Variants in INPP4B observed in about 807,000 individuals in gnomAD.
INPP4B encodes inositol polyphosphate 4-phosphatase type II.
In INPP4B, 55 loss-of-function variants were observed where a neutral mutation model predicts 122.5. The observed-to-expected ratio is 0.45, with a 90% CI of 0.36 to 0.56. INPP4B has a LOEUF of 0.56. INPP4B is among the 20% of genes least tolerant of loss of function. INPP4B has a pLI of 0.00. For missense variants in INPP4B, 1,000 were observed against 1,097.7 expected, an observed-to-expected ratio of 0.91 and a Z score of 1.26; for synonymous variants, 403 against 388.7, an observed-to-expected ratio of 1.04 and a Z score of -0.43.
At chr4:142,526,794 G>A (rs1367568926) in intron 2 of INPP4B, among the ~76,000 whole-genome samples, 1 of 151,956 alleles carries the variant, frequency 6.6e-6, no homozygotes, top group Non-Finnish European at 1.5e-5. Flanking sequence ...GCATACATGT[G>A]AAACAAAATC....
At chr4:142,317,992 G>T (rs149517393) in intron 7 of INPP4B, among the ~76,000 whole-genome samples, 3 of 152,114 alleles carry the variant, frequency 2.0e-5, no homozygotes, top group Admixed American at 2.0e-4. Flanking sequence ...ATGAGGGAAG[G>T]CATTGAATAG....
chr4:142,672,581 A>AT (rs1350555058), intron 2 of INPP4B, among the ~76,000 whole-genome samples: 1 of 152,026 alleles, frequency 6.6e-6, no homozygotes, highest in Non-Finnish European at 1.5e-5. Flanking sequence ...CTCTTTAAAT[A>AT]TGTTTCTTTA....
chr4:142,528,555 G>A (rs553208375), intron 2 of INPP4B, among the ~76,000 whole-genome samples: 4 of 152,184 alleles, frequency 2.6e-5, no homozygotes, highest in African/African-American at 9.6e-5. Flanking sequence ...GTCTTTTATA[G>A]TCTAATCATA....
In INPP4B at chr4:142,260,633, T is replaced by C. The variant is rs534021216; in HGVS notation, c.616-69A>G. On this transcript the variant is annotated intron_variant, in intron 10 of 25. Coordinates refer to ENST00000262992, the MANE Select transcript of INPP4B (RefSeq NM_001101669.3). ...CAAAATAAGGAATGATATTATTTTA[T>C]TTGCAAAACATAAGGCTATGTACAT... 17 of 1,071,682 alleles carry C rather than the reference T, an allele frequency of 1.6e-5. No individual in the cohort carries two copies. The Admixed American group carries it at 3.3e-4, about 21-fold the overall frequency. 66.4% of individuals were successfully genotyped at this position (1,071,682 alleles called of 1,614,324 possible).
intron 12 of INPP4B, among the ~76,000 whole-genome samples, chr4:142,219,798 T>C (rs191055383): frequency 5.9e-5 from 9 of 152,290 alleles, no homozygotes; most frequent in East Asian, 5.8e-4. Flanking sequence ...CCAGGCTCTA[T>C]TGAATATTCT....
At chr4:142,733,410 A>G (rs779702259) in intron 1 of INPP4B, among the ~76,000 whole-genome samples, 10 of 152,310 alleles carry the variant, frequency 6.6e-5, no homozygotes, top group Admixed American at 3.3e-4. Flanking sequence ...AATATATACA[A>G]TAAACTTTCA....
chr4:142,078,184 G>GA (rs3836669), intron 25 of INPP4B, among the ~76,000 whole-genome samples: 134,370 of 151,766 alleles, frequency 0.89, 61,114 homozygotes, highest in Non-Finnish European at 0.98. Flanking sequence ...TGGATAAGTA[G>GA]AAAAAAAGGA....
At chr4:142,165,353 C>G (rs949799183) in intron 16 of INPP4B, among the ~76,000 whole-genome samples, 1 of 151,722 alleles carries the variant, frequency 6.6e-6, no homozygotes, top group Admixed American at 6.6e-5. Flanking sequence ...TCGATCCTTA[C>G]ATTTCCACAG....
intron 3 of INPP4B, among the ~76,000 whole-genome samples, chr4:142,437,455 C>G (rs1030537718): frequency 6.6e-6 from 1 of 151,986 alleles, no homozygotes; most frequent in Non-Finnish European, 1.5e-5. Flanking sequence ...GACACATAAT[C>G]ACCATATTCT....
At chr4:142,130,112 T>C (rs555621886) in intron 18 of INPP4B, among the ~76,000 whole-genome samples, 206 of 152,306 alleles carry the variant, frequency 1.4e-3, no homozygotes, top group Middle Eastern at 3.4e-3. Context: ...GTGAGAAGAC[T>C]GTGTTCACTC....
intron 2 of INPP4B, among the ~76,000 whole-genome samples, chr4:142,544,466 C>T (rs1829322761): frequency 6.6e-6 from 1 of 151,992 alleles, no homozygotes; most frequent in Non-Finnish European, 1.5e-5. Context: ...AGTGCATTTC[C>T]CAAGTCACGG....
chr4:142,068,678 C>A (rs1022209501), intron 25 of INPP4B, among the ~76,000 whole-genome samples: 16 of 151,960 alleles, frequency 1.1e-4, no homozygotes, highest in African/African-American at 2.2e-4. Context: ...CAGGGGTTGC[C>A]ATCCTAGTCT....
chr4:142,641,546 T>G (rs970598637), intron 2 of INPP4B, among the ~76,000 whole-genome samples: 4 of 152,102 alleles, frequency 2.6e-5, no homozygotes, highest in African/African-American at 9.7e-5. Flanking sequence ...TGCGACAGTT[T>G]GCTGAGAATG....
chr4:142,794,058 T>C (rs1776902587), intron 1 of INPP4B, among the ~76,000 whole-genome samples: 1 of 152,044 alleles, frequency 6.6e-6, no homozygotes, highest in African/African-American at 2.4e-5. Flanking sequence ...TTGGTATCTA[T>C]CTACCTAAAT....
At chr4:142,250,073 A>G (rs1052802506) in intron 11 of INPP4B, among the ~76,000 whole-genome samples, 1 of 152,244 alleles carries the variant, frequency 6.6e-6, no homozygotes, top group Admixed American at 6.5e-5. Context: ...TTTATTACAT[A>G]CTGTGTCTTC....
intron 2 of INPP4B, among the ~76,000 whole-genome samples, chr4:142,656,452 A>G (rs963742362): frequency 6.6e-6 from 1 of 151,980 alleles, no homozygotes; most frequent in Admixed American, 6.6e-5. Context: ...AGTGGGGAAA[A>G]CCATACCCCT....
At chr4:142,669,951 A>G (rs1189399120) in intron 2 of INPP4B, among the ~76,000 whole-genome samples, 1 of 152,210 alleles carries the variant, frequency 6.6e-6, no homozygotes, top group Non-Finnish European at 1.5e-5. Flanking sequence ...ATTTGAAGAT[A>G]CAGGAGCCCC....
chr4:142,435,183 G>C (rs1810164362), intron 3 of INPP4B, among the ~76,000 whole-genome samples: 2 of 152,146 alleles, frequency 1.3e-5, no homozygotes, highest in Non-Finnish European at 2.9e-5. Flanking sequence ...AAGAAGCAGG[G>C]AAAAGGGGAG....
chr4:142,029,901 T>C, intron 25 of INPP4B: 2 of 1,182,702 alleles, frequency 1.7e-6, no homozygotes, highest in East Asian at 3.9e-5. Context: ...AAAATTCTTC[T>C]TGAGCTAGTT....
Sources: allele counts gnomAD v4.1 joint callset (sites outside exome capture counted in the v4.1 genomes callset), GRCh38; gene constraint gnomAD v4.1.1; transcripts MANE v1.5; gene names NCBI Gene and HGNC (gene_info 2026-07-23, HGNC 2026-07-21).